Variants in PPARG observed in about 807,000 individuals in gnomAD.
PPARG encodes the protein peroxisome proliferator activated receptor gamma, also known as peroxisome proliferator-activated receptor gamma.
In PPARG, 17 loss-of-function variants were observed where a neutral mutation model predicts 39.2. The ratio of observed to expected loss-of-function variants is 0.43; its 90% CI spans 0.30 to 0.65. The LOEUF (loss-of-function observed/expected upper bound fraction) is 0.65. PPARG is among the 30% of genes least tolerant of loss of function. The probability of loss-of-function intolerance (pLI) is 0.13; values close to 1 mark genes in which losing one functional copy is unlikely to be tolerated. For missense variants in PPARG, 406 were observed against 585.9 expected (o/e 0.69, Z 3.17); for synonymous variants, 223 against 215.7 (o/e 1.03, Z -0.30).
rs552373464 is a variant in PPARG, at chr3:12,410,682, A to G, written c.729+4601A>G. ...CCATTGGAAAAAATGGTCTTTCTAAATAGTGTGTGAAATATGAAACTAGTG... is the reference window on the plus strand; with the variant it reads ...CCATTGGAAAAAATGGTCTTTCTAAGTAGTGTGTGAAATATGAAACTAGTG... On this transcript the variant is annotated intron_variant, in intron 6 of 7. Coordinates refer to ENST00000651735, the MANE Select transcript of PPARG (RefSeq NM_138711.6). Among the ~76,000 whole-genome samples the G allele has an allele frequency of 1.4e-4, 21 of 152,358 alleles. No individual in the cohort carries two copies. The South Asian group carries it at 3.9e-3, about 29-fold the overall frequency.
chr3:12,383,494 A>G (rs1219355721), intron 4 of PPARG, among the ~76,000 whole-genome samples: 1 of 152,114 alleles, frequency 6.6e-6, no homozygotes, highest in Non-Finnish European at 1.5e-5. Flanking sequence ...GTTGGATACC[A>G]TTTTTGAGTG....
intron 7 of PPARG, among the ~76,000 whole-genome samples, chr3:12,433,344 C>G (rs2051725041): frequency 6.6e-6 from 1 of 151,970 alleles, no homozygotes; most frequent in South Asian, 2.1e-4. Context: ...TTGAGACAAG[C>G]CTGGCCAACA....
At chr3:12,296,179 T>G (rs2046777404) in intron 1 of PPARG, among the ~76,000 whole-genome samples, 1 of 136,260 alleles carries the variant, frequency 7.3e-6, no homozygotes. Flanking sequence ...TTGAACCCGG[T>G]AGGTGGAGGT....
intron 2 of PPARG, among the ~76,000 whole-genome samples, chr3:12,327,262 G>A (rs910656801): frequency 6.6e-6 from 1 of 152,094 alleles, no homozygotes; most frequent in African/African-American, 2.4e-5. Flanking sequence ...TCACCACTCC[G>A]GTTCCAATCT....
At chr3:12,391,019 A>G (rs960639424) in intron 4 of PPARG, among the ~76,000 whole-genome samples, 3 of 152,200 alleles carry the variant, frequency 2.0e-5, no homozygotes, top group South Asian at 2.1e-4. Context: ...TGTCAAACCT[A>G]TCGCCTTTGT....
At chr3:12,326,758 A>G (rs1343561992) in intron 2 of PPARG, among the ~76,000 whole-genome samples, 2 of 152,184 alleles carry the variant, frequency 1.3e-5, no homozygotes, top group Admixed American at 6.5e-5. Flanking sequence ...ATTTTAACAA[A>G]TGACTGTTTG....
At chr3:12,311,715 A>G (rs2047250133) in intron 1 of PPARG, among the ~76,000 whole-genome samples, 2 of 152,164 alleles carry the variant, frequency 1.3e-5, no homozygotes, top group African/African-American at 4.8e-5. Flanking sequence ...AAATACAGCT[A>G]TTCTAGGATC....
At chr3:12,389,674 T>G (rs2125204526) in intron 4 of PPARG, among the ~76,000 whole-genome samples, 1 of 152,218 alleles carries the variant, frequency 6.6e-6, no homozygotes, top group East Asian at 1.9e-4. Context: ...GTGGATCACT[T>G]GAGGCTGGGA....
chr3:12,309,229 T>C (rs1043683703), intron 1 of PPARG, among the ~76,000 whole-genome samples: 1 of 152,212 alleles, frequency 6.6e-6, no homozygotes, highest in Admixed American at 6.5e-5. Context: ...TTCTTGTTTT[T>C]AAAGTTTCAT....
Position 12,296,456 on chromosome 3 carries a change from A to G in PPARG, c.-83+7322A>G, listed in dbSNP as rs994621036. Reference sequence around the variant, plus strand: ...ACGCTGTTTGGGAACTCTTGGTCCAAGATGATTCTTGCACCCCACCTGATA... The same window carrying G: ...ACGCTGTTTGGGAACTCTTGGTCCAGGATGATTCTTGCACCCCACCTGATA... On this transcript the variant is annotated intron_variant, in intron 1 of 7. Coordinates refer to ENST00000651735, the MANE Select transcript of PPARG (RefSeq NM_138711.6). Among the ~76,000 whole-genome samples, 12 of 152,128 alleles carry G rather than the reference A, an allele frequency of 7.9e-5. No homozygotes were observed. In the East Asian group the frequency reaches 2.3e-3, roughly 29 times the overall value.
At chr3:12,326,959 A>G (rs1252212106) in intron 2 of PPARG, among the ~76,000 whole-genome samples, 1 of 152,216 alleles carries the variant, frequency 6.6e-6, no homozygotes, top group African/African-American at 2.4e-5. Flanking sequence ...GTGAACTTGA[A>G]ATAAGATTTT....
At chr3:12,327,695 G>C (rs914364361) in intron 2 of PPARG, among the ~76,000 whole-genome samples, 2 of 152,152 alleles carry the variant, frequency 1.3e-5, no homozygotes, top group Non-Finnish European at 2.9e-5. Context: ...AATGACAATT[G>C]TTCTGTAGGA....
rs1379094519 is a variant in PPARG, at chr3:12,337,301, A to T, written c.-9+24848A>T. Among the ~76,000 whole-genome samples, 3 of 152,178 alleles carry T rather than the reference A, an allele frequency of 2.0e-5. No individual in the cohort carries two copies. In the East Asian group the frequency reaches 5.8e-4, roughly 29 times the overall value. On this transcript the variant is annotated intron_variant, in intron 2 of 7. Coordinates refer to ENST00000651735, the MANE Select transcript of PPARG (RefSeq NM_138711.6). ...TGCATCTATTCAGTATTTCTTGAGGACTTACTGTATACTATAGGCACATAG... is the reference window on the plus strand; with the variant it reads ...TGCATCTATTCAGTATTTCTTGAGGTCTTACTGTATACTATAGGCACATAG...
intron 2 of PPARG, among the ~76,000 whole-genome samples, chr3:12,314,636 A>G (rs2047339420): frequency 2.6e-5 from 4 of 152,322 alleles, no homozygotes; most frequent in South Asian, 4.1e-4. Context: ...TGTCAGAGGC[A>G]TAAAAGACAC....
intron 2 of PPARG, among the ~76,000 whole-genome samples, chr3:12,356,614 C>T (rs1359729750): frequency 1.3e-5 from 2 of 152,164 alleles, no homozygotes; most frequent in African/African-American, 4.8e-5. Flanking sequence ...GCCAATAGTC[C>T]TAAAATGCCT....
chr3:12,371,322 T>C (rs904337003), intron 2 of PPARG, among the ~76,000 whole-genome samples: 3 of 152,150 alleles, frequency 2.0e-5, no homozygotes, highest in Non-Finnish European at 4.4e-5. Context: ...ACCGTTAATG[T>C]TCAAAACAGC....
chr3:12,385,726 A>G (rs930942838), intron 4 of PPARG, among the ~76,000 whole-genome samples: 3 of 152,146 alleles, frequency 2.0e-5, no homozygotes, highest in Non-Finnish European at 2.9e-5. Flanking sequence ...TTGTATGTCT[A>G]TTCATCCCTA....
chr3:12,308,505 G>A (rs2047140039), intron 1 of PPARG, among the ~76,000 whole-genome samples: 1 of 152,072 alleles, frequency 6.6e-6, no homozygotes, highest in Admixed American at 6.5e-5. Flanking sequence ...ATTTTATTGA[G>A]CCAATCGTTA....
At chr3:12,340,187 G>A (rs1350987348) in intron 2 of PPARG, among the ~76,000 whole-genome samples, 1 of 152,208 alleles carries the variant, frequency 6.6e-6, no homozygotes, top group Admixed American at 6.5e-5. Context: ...TGCTGCCTAA[G>A]GAAGGAGTTG....
Sources: allele counts gnomAD v4.1 joint callset (sites outside exome capture counted in the v4.1 genomes callset), GRCh38; gene constraint gnomAD v4.1.1; transcripts MANE v1.5; gene names NCBI Gene and HGNC (gene_info 2026-07-23, HGNC 2026-07-21).